Variants in INPP4B observed in about 807,000 individuals in gnomAD.
INPP4B encodes inositol polyphosphate 4-phosphatase type II.
Under a neutral mutation model 122.5 loss-of-function variants are expected in INPP4B, and 55 were observed. The observed-to-expected ratio is 0.45, with a 90% CI of 0.36 to 0.56. INPP4B has a LOEUF of 0.56. INPP4B is among the 20% of genes least tolerant of loss of function. The pLI, the probability that INPP4B is intolerant of heterozygous loss-of-function variation, is 0.00. For missense variants in INPP4B, 1,000 were observed against 1,097.7 expected, an observed-to-expected ratio of 0.91 and a Z score of 1.26; for synonymous variants, 403 against 388.7, an observed-to-expected ratio of 1.04 and a Z score of -0.43.
chr4:142,232,916 G>C (rs964712041), intron 12 of INPP4B, among the ~76,000 whole-genome samples: 9 of 152,116 alleles, frequency 5.9e-5, no homozygotes, highest in African/African-American at 2.2e-4. Flanking sequence ...TTCTAATCCA[G>C]AGCAAAGTCC....
At chr4:142,384,791 C>T (rs1039201668) in intron 7 of INPP4B, among the ~76,000 whole-genome samples, 2 of 152,078 alleles carry the variant, frequency 1.3e-5, no homozygotes, top group African/African-American at 4.8e-5. Context: ...AGGTATTAAG[C>T]CTAGTACCCA....
intron 7 of INPP4B, among the ~76,000 whole-genome samples, chr4:142,367,806 A>T (rs1442198443): frequency 3.9e-5 from 6 of 152,176 alleles, no homozygotes; most frequent in Non-Finnish European, 7.4e-5. Context: ...AATTGTATGC[A>T]GTTTATTTAT....
At chr4:142,272,009 A>G (rs971802157) in intron 9 of INPP4B, among the ~76,000 whole-genome samples, 7 of 152,202 alleles carry the variant, frequency 4.6e-5, no homozygotes, top group African/African-American at 1.7e-4. Context: ...ATAGGTAGCA[A>G]GCCACCTCAT....
At chr4:142,244,040 T>C (rs921043342) in intron 11 of INPP4B, among the ~76,000 whole-genome samples, 35 of 151,990 alleles carry the variant, frequency 2.3e-4, no homozygotes, top group African/African-American at 8.0e-4. Context: ...TAGGTATTTC[T>C]CTTAATGCTA....
chr4:142,402,697 A>G (rs993200669), intron 7 of INPP4B, among the ~76,000 whole-genome samples: 1 of 152,206 alleles, frequency 6.6e-6, no homozygotes, highest in African/African-American at 2.4e-5. Flanking sequence ...AATGTAAACC[A>G]AAAGATCAAG....
intron 2 of INPP4B, among the ~76,000 whole-genome samples, chr4:142,601,834 T>A (rs1401805593): frequency 6.6e-6 from 1 of 151,502 alleles, no homozygotes; most frequent in Non-Finnish European, 1.5e-5. Flanking sequence ...CCAGGTGTGG[T>A]GGCGGGGGCC....
In INPP4B at chr4:142,798,457, T is replaced by A. The variant is rs148182074; in HGVS notation, c.-254+47752A>T. On this transcript the variant is annotated intron_variant, in intron 1 of 25. Transcript: ENST00000262992. Reference sequence around the variant, plus strand: ...GAATATTTTCTACTTACCTTAATAATGTTCAAGTGAAGTTATAGCTCACAG... The same window carrying A: ...GAATATTTTCTACTTACCTTAATAAAGTTCAAGTGAAGTTATAGCTCACAG... Among the ~76,000 whole-genome samples, 383 of 152,084 alleles carry A rather than the reference T, an allele frequency of 2.5e-3. 5 individuals carry two copies. The highest frequency in any genetic ancestry group is 0.019 in the East Asian group (97 of 5,182).
At chr4:142,662,553 C>T (rs532681880) in intron 2 of INPP4B, among the ~76,000 whole-genome samples, 1 of 152,220 alleles carries the variant, frequency 6.6e-6, no homozygotes, top group East Asian at 1.9e-4. Flanking sequence ...CATGTGCTAG[C>T]CCCCACCAAA....
At chr4:142,036,689 T>C (rs1237087598) in intron 25 of INPP4B, among the ~76,000 whole-genome samples, 4 of 152,202 alleles carry the variant, frequency 2.6e-5, no homozygotes, top group African/African-American at 9.6e-5. Context: ...GAGGGGCAGT[T>C]TTACAACGGA....
intron 7 of INPP4B, among the ~76,000 whole-genome samples, chr4:142,339,425 C>CAG (rs1777929483): frequency 6.6e-6 from 1 of 152,086 alleles, no homozygotes; most frequent in African/African-American, 2.4e-5. Context: ...CTATAGAGCT[C>CAG]AGAGAATATA....
chr4:142,656,366 G>A (rs1011384434), intron 2 of INPP4B, among the ~76,000 whole-genome samples: 2 of 152,314 alleles, frequency 1.3e-5, no homozygotes, highest in East Asian at 1.9e-4. Flanking sequence ...CATGGGGCTC[G>A]AGAAGTGGTG....
At chr4:142,521,633 T>C (rs566216539) in intron 2 of INPP4B, among the ~76,000 whole-genome samples, 2 of 152,184 alleles carry the variant, frequency 1.3e-5, no homozygotes, top group African/African-American at 4.8e-5. Flanking sequence ...TGTTTCCTTC[T>C]TCCTTCTTCA....
intron 1 of INPP4B, among the ~76,000 whole-genome samples, chr4:142,822,353 C>T (rs1019508913): frequency 6.6e-6 from 1 of 152,142 alleles, no homozygotes; most frequent in Non-Finnish European, 1.5e-5. Flanking sequence ...TGCCTTAAAG[C>T]AGGGGTTCCC....
At chr4:142,408,644 TG>T (rs1317136190) in intron 5 of INPP4B, among the ~76,000 whole-genome samples, 1 of 152,204 alleles carries the variant, frequency 6.6e-6, no homozygotes, top group Non-Finnish European at 1.5e-5. Context: ...GGCCTGCATC[TG>T]TGGCCTTCAT....
chr4:142,285,535 T>A (rs1452822176), intron 9 of INPP4B, among the ~76,000 whole-genome samples: 3 of 58,252 alleles, frequency 5.2e-5, no homozygotes, highest in Non-Finnish European at 8.3e-5. Context: ...TGAGGCTCAA[T>A]CCAGAAGTGT....
At chr4:142,494,520 G>T (rs923129238) in intron 2 of INPP4B, among the ~76,000 whole-genome samples, 3 of 151,994 alleles carry the variant, frequency 2.0e-5, no homozygotes, top group Non-Finnish European at 4.4e-5. Context: ...GTGCAATTCT[G>T]CAGACAAAGA....
intron 7 of INPP4B, among the ~76,000 whole-genome samples, chr4:142,342,021 G>C (rs1336987817): frequency 2.0e-5 from 3 of 152,200 alleles, no homozygotes; most frequent in African/African-American, 7.2e-5. Flanking sequence ...TCCTGGCCCA[G>C]AGAAGCTGTG....
At chr4:142,531,612 T>C (rs1286551303) in intron 2 of INPP4B, among the ~76,000 whole-genome samples, 1 of 152,194 alleles carries the variant, frequency 6.6e-6, no homozygotes, top group Non-Finnish European at 1.5e-5. Context: ...TGATTTATTA[T>C]ATAATCCACA....
intron 23 of INPP4B, among the ~76,000 whole-genome samples, chr4:142,102,579 G>A (rs1033970942): frequency 2.0e-5 from 3 of 151,340 alleles, no homozygotes; most frequent in African/African-American, 7.3e-5. Flanking sequence ...CTATATTTAG[G>A]ATTCTTTCAA....
Sources: gnomAD v4.1 joint callset for allele counts (sites outside exome capture counted in the v4.1 genomes callset) on GRCh38, gnomAD v4.1.1 for gene constraint, MANE v1.5 for transcripts, NCBI Gene and HGNC (gene_info 2026-07-23, HGNC 2026-07-21) for gene names.